The following PCCA variants were observed in gnomAD, a reference collection of about 807,000 sequenced individuals.
PCCA encodes propionyl-CoA carboxylase alpha chain, mitochondrial.
Under a neutral mutation model 101.3 loss-of-function variants are expected in PCCA, and 74 were observed. That is an observed-to-expected ratio of 0.73 (90% CI 0.61 to 0.89). The LOEUF (loss-of-function observed/expected upper bound fraction) is 0.89. Among genes scored for constraint, PCCA ranks in the 40% least tolerant of loss-of-function variants. The probability of loss-of-function intolerance (pLI) is 0.00; values close to 1 mark genes in which losing one functional copy is unlikely to be tolerated. For synonymous variants in PCCA, 294 were observed against 313.6 expected, an observed-to-expected ratio of 0.94 and a Z score of 0.66; for missense variants, 891 against 907.0, an observed-to-expected ratio of 0.98 and a Z score of 0.23.
chr13:100,127,802 G>C lies in PCCA; in HGVS notation c.300+15741G>C, dbSNP rs146277757. 2.8e-3 allele frequency among the ~76,000 whole-genome samples: 431 copies of C among 152,274 alleles called. 3 individuals carry two copies. Among genetic ancestry groups the C allele is most frequent in the African/African-American group, 0.01 (418 of 41,562 alleles). Reference sequence around the variant, plus strand: ...AGCTTCTCGGGAGGCTGAGGCAGGAGAATGGCGTGAACCTGAGAAGCAGAG... The same window carrying C: ...AGCTTCTCGGGAGGCTGAGGCAGGACAATGGCGTGAACCTGAGAAGCAGAG... On this transcript the variant is annotated intron_variant, in intron 4 of 23. Transcript: ENST00000376285.
chr13:100,125,407 A>G (rs1005509052), intron 4 of PCCA, among the ~76,000 whole-genome samples: 4 of 152,208 alleles, frequency 2.6e-5, no homozygotes, highest in African/African-American at 9.7e-5. Context: ...GTCTTACGGC[A>G]AAGCCTCTGG....
At chr13:100,287,486 A>C (rs773707459) in intron 12 of PCCA, among the ~76,000 whole-genome samples, 7 of 152,142 alleles carry the variant, frequency 4.6e-5, no homozygotes, top group Non-Finnish European at 7.4e-5. Context: ...TTAATAAGAA[A>C]AATGGTTATG....
At chr13:100,132,443 C>T (rs531760656) in intron 4 of PCCA, among the ~76,000 whole-genome samples, 1 of 152,298 alleles carries the variant, frequency 6.6e-6, no homozygotes, top group Non-Finnish European at 1.5e-5. Flanking sequence ...TACTTTCACT[C>T]AGAATATGTT....
At chr13:100,378,473 C>G (rs1440786941) in intron 19 of PCCA, among the ~76,000 whole-genome samples, 3 of 152,204 alleles carry the variant, frequency 2.0e-5, no homozygotes, top group Non-Finnish European at 4.4e-5. Flanking sequence ...GTCTGTATCT[C>G]TCACTAGACT....
intron 22 of PCCA, among the ~76,000 whole-genome samples, chr13:100,525,003 A>G (rs369032594): frequency 0.073 from 11,074 of 151,262 alleles, 590 homozygotes; most frequent in Middle Eastern, 0.14. Flanking sequence ...ATAGATAGAT[A>G]GATAGATAGA....
chr13:100,218,201 ATTTCACTCT>A (rs1438162263), intron 7 of PCCA, among the ~76,000 whole-genome samples: 1 of 151,928 alleles, frequency 6.6e-6, no homozygotes, highest in Non-Finnish European at 1.5e-5. Flanking sequence ...TTGAGATGGT[ATTTCACTCT>A]TGTTGCCCAG....
chr13:100,508,673 C>G (rs1674187616), intron 21 of PCCA, among the ~76,000 whole-genome samples: 1 of 152,218 alleles, frequency 6.6e-6, no homozygotes. Context: ...ACCAGCTTCA[C>G]TGAGGCGTGT....
At chr13:100,281,949 G>A (rs571076744) in intron 12 of PCCA, among the ~76,000 whole-genome samples, 119 of 152,314 alleles carry the variant, frequency 7.8e-4, no homozygotes, top group African/African-American at 2.8e-3. Context: ...AGTATTATCA[G>A]TTTACCTCTT....
chr13:100,415,907 A>G (rs2078327889), intron 19 of PCCA, among the ~76,000 whole-genome samples: 1 of 152,214 alleles, frequency 6.6e-6, no homozygotes. Flanking sequence ...TATTTTAACT[A>G]TGTCATGAGG....
At chr13:100,261,785 TG>T (rs1335147759) in intron 9 of PCCA, among the ~76,000 whole-genome samples, 1 of 152,264 alleles carries the variant, frequency 6.6e-6, no homozygotes, top group Non-Finnish European at 1.5e-5. Context: ...TTACTATTTT[TG>T]ATCAATTTTA....
At chr13:100,163,464 G>A (rs1469864182) in intron 6 of PCCA, among the ~76,000 whole-genome samples, 4 of 152,168 alleles carry the variant, frequency 2.6e-5, no homozygotes, top group Non-Finnish European at 5.9e-5. Context: ...TGAAAATACT[G>A]TGTGTTTCTT....
chr13:100,141,321 T>C (rs2051842033), intron 4 of PCCA, among the ~76,000 whole-genome samples: 3 of 152,210 alleles, frequency 2.0e-5, no homozygotes, highest in Non-Finnish European at 4.4e-5. Context: ...TCACTTTTTT[T>C]CATTTATTAG....
intron 21 of PCCA, among the ~76,000 whole-genome samples, chr13:100,475,814 CT>C (rs1156795154): frequency 6.6e-6 from 1 of 152,082 alleles, no homozygotes; most frequent in African/African-American, 2.4e-5. Flanking sequence ...TCGTTATTGT[CT>C]TTTTTATTAT....
At chr13:100,525,720 G>C (rs2087744621) in intron 22 of PCCA, among the ~76,000 whole-genome samples, 1 of 152,234 alleles carries the variant, frequency 6.6e-6, no homozygotes, top group Non-Finnish European at 1.5e-5. Context: ...CTGGCAGAGA[G>C]GGTAGGGGCT....
chr13:100,306,343 A>G (rs1039857605), intron 14 of PCCA, among the ~76,000 whole-genome samples: 1 of 152,224 alleles, frequency 6.6e-6, no homozygotes, highest in Admixed American at 6.5e-5. Context: ...GACCCCTAGG[A>G]TGTGCCTGAC....
At chr13:100,525,161 A>C (rs1369035298) in intron 22 of PCCA, among the ~76,000 whole-genome samples, 1 of 152,170 alleles carries the variant, frequency 6.6e-6, no homozygotes, top group East Asian at 1.9e-4. Context: ...TCTATGATTC[A>C]GTGCTGTGCT....
intron 1 of PCCA, among the ~76,000 whole-genome samples, chr13:100,100,556 C>T (rs901548733): frequency 2.0e-5 from 3 of 152,108 alleles, no homozygotes; most frequent in Non-Finnish European, 1.5e-5. Flanking sequence ...CAGACTTCTT[C>T]AAACGTTTTC....
At chr13:100,299,633 C>T (rs2065901823) in intron 12 of PCCA, among the ~76,000 whole-genome samples, 1 of 152,160 alleles carries the variant, frequency 6.6e-6, no homozygotes, top group Admixed American at 6.5e-5. Context: ...CTGAATGGTT[C>T]ACTTAACTTT....
chr13:100,183,397 A>G (rs1240847515), intron 6 of PCCA, among the ~76,000 whole-genome samples: 1 of 152,198 alleles, frequency 6.6e-6, no homozygotes, highest in Non-Finnish European at 1.5e-5. Flanking sequence ...TCTGGTAAAT[A>G]TAAAGACAAA....
Sources: allele counts gnomAD v4.1 joint callset (sites outside exome capture counted in the v4.1 genomes callset), GRCh38; gene constraint gnomAD v4.1.1; transcripts MANE v1.5; gene names NCBI Gene and HGNC (gene_info 2026-07-23, HGNC 2026-07-21).